The following FLT3 variants were observed in gnomAD, a reference collection of about 807,000 sequenced individuals.
FLT3 encodes fms related receptor tyrosine kinase 3.
A neutral mutation model predicts 126.6 loss-of-function variants in FLT3; 46 were observed. The ratio of observed to expected loss-of-function variants is 0.36; its 90% CI spans 0.29 to 0.46. The LOEUF (loss-of-function observed/expected upper bound fraction) is 0.46, where lower values mean the gene tolerates loss of function less well. Ranked by LOEUF, FLT3 falls within the 20% of genes least tolerant of loss-of-function variation. The pLI is 1.00. For synonymous variants in FLT3, 404 were observed against 434.4 expected (o/e 0.93, Z 0.87); for missense variants, 1,069 against 1,190.3 (o/e 0.90, Z 1.50).
At chr13:28,018,436 T>G (rs1872078086) in intron 20 of FLT3, 31 bp downstream of exon 20, 3 of 1,612,232 alleles carry the variant, frequency 1.9e-6, no homozygotes, top group Non-Finnish European at 2.5e-6. Context: ...AAAATAGCCG[T>G]ATAAAAATAA....
intron 6 of FLT3, 33 bp from the exon 7 acceptor site, chr13:28,049,807 A>G: frequency 6.3e-7 from 1 of 1,595,664 alleles, no homozygotes; most frequent in Non-Finnish European, 8.5e-7. Context: ...GTGAGAAAAA[A>G]AAAGTGATTT....
chr13:28,080,938 A>G (rs1878265900), intron 1 of FLT3, among the ~76,000 whole-genome samples: 1 of 152,148 alleles, frequency 6.6e-6, no homozygotes, highest in Non-Finnish European at 1.5e-5. Flanking sequence ...TAAATTGACC[A>G]TATATTTTTG....
chr13:28,067,996 C>T (rs1877181939), intron 2 of FLT3: 1 of 259,156 alleles, frequency 3.9e-6, no homozygotes, highest in South Asian at 4.7e-5. Flanking sequence ...AAGAGAAAAC[C>T]AGTCATTAAA....
At chr13:28,052,437 T>C (rs1875597507) in intron 5 of FLT3, 108 bp downstream of exon 5, 1 of 1,175,158 alleles carries the variant, frequency 8.5e-7, no homozygotes, top group South Asian at 1.6e-5. Flanking sequence ...CAAAGTTTCC[T>C]GTTTAAATGA....
At chr13:28,006,306 T>TTATGTGTG (rs375433153) in intron 23 of FLT3, among the ~76,000 whole-genome samples, 155 of 147,096 alleles carry the variant, frequency 1.1e-3, no homozygotes, top group African/African-American at 3.6e-3. Context: ...TTCTAGAAAA[T>TTATGTGTG]TGTGTGTGTG....
At chr13:28,020,711 G>A (rs949909901) in intron 19 of FLT3, among the ~76,000 whole-genome samples, 1 of 151,854 alleles carries the variant, frequency 6.6e-6, no homozygotes, top group Non-Finnish European at 1.5e-5. Flanking sequence ...TAAGATCTTC[G>A]AGCCCAGGAG....
At chr13:28,071,733 G>A (rs1055954041) in intron 1 of FLT3, among the ~76,000 whole-genome samples, 2 of 152,138 alleles carry the variant, frequency 1.3e-5, no homozygotes, top group African/African-American at 4.8e-5. Flanking sequence ...TGTCCTGCGA[G>A]CTGGTCTTGG....
intron 23 of FLT3, among the ~76,000 whole-genome samples, chr13:28,012,938 A>C (rs1416087719): frequency 1.2e-5 from 1 of 80,768 alleles, no homozygotes; most frequent in Non-Finnish European, 2.9e-5. Context: ...CCCTGTCTCA[A>C]AAAAAAAAAA....
Position 28,024,860 on chromosome 13 carries a change from C to T in FLT3, c.2290+1G>A. ...TGCTACTACTTAGAATAAAATATTA[C>T]CTTCAGAGTGAAATGAATTCCCATG... On this transcript the variant is annotated splice_donor_variant, in intron 18 of 23. Coordinates refer to ENST00000241453, the MANE Select transcript of FLT3 (RefSeq NM_004119.3). LOFTEE classifies it high-confidence loss of function. 6.3e-7 allele frequency: 1 copy of T among 1,584,338 alleles called. No individual in the cohort carries two copies. Among genetic ancestry groups the T allele is most frequent in the Non-Finnish European group, 8.6e-7 (1 of 1,157,360 alleles).
chr13:28,097,254 AGAAG>A lies in FLT3; in HGVS notation c.43+3210_43+3213del, dbSNP rs1319115589. ...AGAAAGAAAGAAAGGAAGGAAGGAA[AGAAG>A]GAAGGAAGGAAAAAAATGGGTATTC... On this transcript the variant is annotated intron_variant, in intron 1 of 23. Transcript: ENST00000241453. Among the ~76,000 whole-genome samples, 3 of 151,938 alleles carry A rather than the reference AGAAG, an allele frequency of 2.0e-5. No individual in the cohort carries two copies. In the South Asian group the frequency reaches 6.2e-4, roughly 32 times the overall value.
intron 18 of FLT3, among the ~76,000 whole-genome samples, chr13:28,023,689 T>C (rs1286537048): frequency 6.6e-6 from 1 of 152,238 alleles, no homozygotes; most frequent in Admixed American, 6.5e-5. Flanking sequence ...ACTTTGGAAC[T>C]GCTTTGATGA....
At chr13:28,041,684 G>T (rs1456916863) in intron 9 of FLT3, among the ~76,000 whole-genome samples, 1 of 152,206 alleles carries the variant, frequency 6.6e-6, no homozygotes, top group Non-Finnish European at 1.5e-5. Context: ...CTGACCCCAT[G>T]GGAATTCCAA....
intron 1 of FLT3, among the ~76,000 whole-genome samples, chr13:28,098,338 T>C (rs1350588950): frequency 7.3e-6 from 1 of 136,388 alleles, no homozygotes; most frequent in Admixed American, 7.2e-5. Flanking sequence ...AAAAAAAAAG[T>C]AGTGTTTACA....
rs774223271 is a variant in FLT3, at chr13:28,061,930, G to A, written c.305C>T (p.Ser102Phe). ...QVLVDAPGNI[S>F]CLWVFKHSSL... Reference sequence around the variant, plus strand: ...GCTGTGCTTAAAGACCCAGAGACAGGAAATGTTCCCTGGGGCGTCGACCAG... The same window carrying A: ...GCTGTGCTTAAAGACCCAGAGACAGAAAATGTTCCCTGGGGCGTCGACCAG... Residue 102 changes from serine (S) to phenylalanine (F), a missense_variant, in exon 3 of 24, where the codon TCC becomes TTC. Ser to Phe is a radical substitution (Grantham distance 155). Transcript: ENST00000241453. 6 of 1,613,892 alleles carry A rather than the reference G, an allele frequency of 3.7e-6. No homozygotes were observed. The highest frequency in any genetic ancestry group is 5.1e-6 in the Non-Finnish European group (6 of 1,179,928).
intron 2 of FLT3, 147 bp from the exon 3 acceptor site, chr13:28,062,216 C>G: frequency 9.8e-6 from 6 of 612,934 alleles, no homozygotes; most frequent in Non-Finnish European, 1.8e-5. Context: ...GAACACGTTG[C>G]CGACTGAAGG....
intron 1 of FLT3, among the ~76,000 whole-genome samples, chr13:28,072,675 C>G (rs1877619971): frequency 6.6e-6 from 1 of 151,942 alleles, no homozygotes; most frequent in Non-Finnish European, 1.5e-5. Flanking sequence ...GGATTACAGG[C>G]ATGAACCACT....
At chr13:28,049,256 A>G in intron 8 of FLT3, 128 bp downstream of exon 8, 1 of 906,166 alleles carries the variant, frequency 1.1e-6, no homozygotes, top group African/African-American at 1.7e-5. Context: ...AAGCTATTCT[A>G]ACTCAGTTTC....
chr13:28,100,331 G>T lies in FLT3; in HGVS notation c.43+137C>A. 2 of 522,376 alleles carry T rather than the reference G, an allele frequency of 3.8e-6. No individual in the cohort carries two copies. The highest frequency in any genetic ancestry group is 5.7e-6 in the Non-Finnish European group (2 of 350,202). The allele number at this position is 522,376 out of a possible 1,614,324, so 32.4% of individuals were successfully genotyped here. On this transcript the variant is annotated intron_variant, in intron 1 of 23. Coordinates refer to ENST00000241453, the MANE Select transcript of FLT3 (RefSeq NM_004119.3). The surrounding 1 kb of genome is among the most constrained non-coding windows in gnomAD (Gnocchi z 4.8). ...CCGGAGGGCGCGAAAGAGGGGAGGG[G>T]CGCGGGAGGCAATGGAAGGAGCGAG...
At chr13:28,007,979 C>T (rs544226112) in intron 23 of FLT3, among the ~76,000 whole-genome samples, 1 of 152,194 alleles carries the variant, frequency 6.6e-6, no homozygotes, top group African/African-American at 2.4e-5. Context: ...CTGCTTTGTT[C>T]ATTTTCCTCC....
Sources: allele counts gnomAD v4.1 joint callset (sites outside exome capture counted in the v4.1 genomes callset), GRCh38; gene constraint gnomAD v4.1.1; non-coding constraint Gnocchi (gnomAD v3.1); transcripts MANE v1.5; gene names NCBI Gene and HGNC (gene_info 2026-07-23, HGNC 2026-07-21).